Variants in CHRM3 observed in about 807,000 individuals in gnomAD.
CHRM3 encodes the protein cholinergic receptor muscarinic 3, also known as muscarinic acetylcholine receptor M3.
Under a neutral mutation model 41.8 loss-of-function variants are expected in CHRM3, and 11 were observed. The ratio of observed to expected loss-of-function variants is 0.26; its 90% confidence interval spans 0.17 to 0.44. The LOEUF (loss-of-function observed/expected upper bound fraction) is 0.44. Among genes scored for constraint, CHRM3 ranks in the 20% least tolerant of loss-of-function variants. CHRM3 has a pLI of 1.00. For synonymous variants in CHRM3, 297 were observed against 301.4 expected (o/e 0.99, Z 0.15); for missense variants, 571 against 745.4 (o/e 0.77, Z 2.72).
chr1:239,569,828 A>G (rs890814787), intron 3 of CHRM3, among the ~76,000 whole-genome samples: 1 of 152,122 alleles, frequency 6.6e-6, no homozygotes. Flanking sequence ...ATGAAGGTGC[A>G]CAGAGGGCAT....
intron 3 of CHRM3, among the ~76,000 whole-genome samples, chr1:239,610,190 C>CAAAAAAAAAAAA: frequency 9.0e-5 from 7 of 77,884 alleles, no homozygotes; most frequent in Admixed American, 1.7e-4. Flanking sequence ...AAGACTCTGT[C>CAAAAAAAAAAAA]AAAAAAAAAA....
intron 6 of CHRM3, among the ~76,000 whole-genome samples, chr1:239,901,360 T>C (rs1164834806): frequency 3.3e-5 from 5 of 152,038 alleles, no homozygotes; most frequent in African/African-American, 1.2e-4. Flanking sequence ...ATTCGGGACA[T>C]TACAGATTGA....
At chr1:239,518,403 T>G (rs1669413863) in intron 2 of CHRM3, among the ~76,000 whole-genome samples, 1 of 152,212 alleles carries the variant, frequency 6.6e-6, no homozygotes, top group South Asian at 2.1e-4. Context: ...TTAAACTGTA[T>G]GCATATTATA....
rs758413973 is a variant in CHRM3, at chr1:239,874,285, GTATATATATATATATATATATATA to G, written c.-19-33129_-19-33106del. ...AGACCTATATATATCTATATACACA[GTATATATATATATATATATATATA>G]TATATATATATATATATACACAGTT... On this transcript the variant is annotated intron_variant, in intron 6 of 6. Transcript: ENST00000676153. Among the ~76,000 whole-genome samples, 62 of 83,256 alleles carry G rather than the reference GTATATATATATATATATATATATA, an allele frequency of 7.4e-4. 2 individuals are homozygous for G. The highest frequency in any genetic ancestry group is 1.8e-3 in the African/African-American group (30 of 16,438). The allele number at this position is 83,256 out of a possible 152,430, so 54.6% of individuals were successfully genotyped here.
chr1:239,531,407 A>G (rs921092162), intron 2 of CHRM3, among the ~76,000 whole-genome samples: 3 of 152,130 alleles, frequency 2.0e-5, no homozygotes, highest in Non-Finnish European at 2.9e-5. Context: ...TATCAGAATT[A>G]GAAACTTTTA....
intron 5 of CHRM3, among the ~76,000 whole-genome samples, chr1:239,757,607 G>C (rs1427683244): frequency 2.0e-5 from 3 of 150,068 alleles, no homozygotes; most frequent in Non-Finnish European, 3.0e-5. Context: ...GCCAGCCTGG[G>C]TCACAGAGTG....
At chr1:239,641,961 G>C (rs2148923993) in intron 4 of CHRM3, among the ~76,000 whole-genome samples, 1 of 127,122 alleles carries the variant, frequency 7.9e-6, no homozygotes, top group South Asian at 2.7e-4. Flanking sequence ...GGCAGGCCTG[G>C]TGGTGACAAA....
chr1:239,799,211 A>G (rs570282733), intron 5 of CHRM3, among the ~76,000 whole-genome samples: 1 of 152,324 alleles, frequency 6.6e-6, no homozygotes, highest in East Asian at 1.9e-4. Flanking sequence ...TGGACCGGGA[A>G]CTTAACAGGT....
chr1:239,832,996 C>T (rs1673019432), intron 6 of CHRM3, among the ~76,000 whole-genome samples: 1 of 152,078 alleles, frequency 6.6e-6, no homozygotes, highest in Non-Finnish European at 1.5e-5. Flanking sequence ...TCATTTTTCC[C>T]AGCCCTCATT....
At chr1:239,412,328 T>G (rs111874983) in intron 1 of CHRM3, among the ~76,000 whole-genome samples, 5 of 79,922 alleles carry the variant, frequency 6.3e-5, no homozygotes, top group Non-Finnish European at 9.9e-5. Flanking sequence ...TCTTCTTCCT[T>G]CCTTCCTCCC....
intron 2 of CHRM3, among the ~76,000 whole-genome samples, chr1:239,496,245 A>G (rs1558266685): frequency 6.6e-6 from 1 of 152,104 alleles, no homozygotes; most frequent in Non-Finnish European, 1.5e-5. Context: ...CACTGGATGG[A>G]TATTATGAAC....
intron 5 of CHRM3, among the ~76,000 whole-genome samples, chr1:239,695,449 T>G (rs1660096711): frequency 1.3e-5 from 2 of 152,222 alleles, no homozygotes; most frequent in South Asian, 4.1e-4. Flanking sequence ...TTAGATATGT[T>G]GGCACATTGA....
intron 6 of CHRM3, among the ~76,000 whole-genome samples, chr1:239,845,594 A>G (rs1674198875): frequency 6.6e-6 from 1 of 152,184 alleles, no homozygotes; most frequent in Admixed American, 6.5e-5. Context: ...TGGACCCACC[A>G]TTTGTGCCAG....
intron 6 of CHRM3, among the ~76,000 whole-genome samples, chr1:239,866,833 G>A (rs1476581916): frequency 2.0e-5 from 3 of 152,024 alleles, no homozygotes; most frequent in African/African-American, 4.8e-5. Flanking sequence ...TATGCACCTG[G>A]GATTACTAAA....
At chr1:239,494,640 C>G (rs59430988) in intron 2 of CHRM3, among the ~76,000 whole-genome samples, 35 of 152,070 alleles carry the variant, frequency 2.3e-4, no homozygotes, top group African/African-American at 6.5e-4. Context: ...CACCTATCAA[C>G]CCATCATCTA....
At chr1:239,439,628 C>CA (rs1274305629) in intron 1 of CHRM3, among the ~76,000 whole-genome samples, 1 of 152,134 alleles carries the variant, frequency 6.6e-6, no homozygotes, top group Non-Finnish European at 1.5e-5. Flanking sequence ...CAATCTACTA[C>CA]AAAAAACTGA....
intron 5 of CHRM3, among the ~76,000 whole-genome samples, chr1:239,809,144 C>T (rs546262811): frequency 9.9e-5 from 15 of 151,044 alleles, no homozygotes; most frequent in Admixed American, 4.0e-4. Flanking sequence ...CTCAGCCTCC[C>T]GAGTAGCTGG....
At chr1:239,615,509 T>C (rs1441616236) in intron 3 of CHRM3, among the ~76,000 whole-genome samples, 2 of 152,188 alleles carry the variant, frequency 1.3e-5, no homozygotes, top group African/African-American at 4.8e-5. Context: ...GCAGTAGCTT[T>C]GGTTATTAGA....
chr1:239,673,031 A>C (rs1674532284), intron 4 of CHRM3, among the ~76,000 whole-genome samples: 1 of 152,178 alleles, frequency 6.6e-6, no homozygotes, highest in Admixed American at 6.5e-5. Flanking sequence ...CATTCTTCCT[A>C]CATGAGACAG....
Sources: allele counts gnomAD v4.1 joint callset (sites outside exome capture counted in the v4.1 genomes callset), GRCh38; gene constraint gnomAD v4.1.1; transcripts MANE v1.5; gene names NCBI Gene and HGNC (gene_info 2026-07-23, HGNC 2026-07-21).